Variants in DCD observed in about 807,000 individuals in gnomAD.
DCD encodes the protein diffusible survival/evasion peptide.
In DCD, 17 loss-of-function variants were observed where a neutral mutation model predicts 14.5. That is an observed-to-expected ratio of 1.18 (90% confidence interval 0.81 to 1.76). The LOEUF is 1.76. Among genes scored for constraint, DCD ranks in the 40% most tolerant of loss-of-function variants. The pLI, the probability that DCD is intolerant of heterozygous loss-of-function variation, is 0.00. For synonymous variants in DCD, 64 were observed against 54.0 expected (o/e 1.19, Z -0.82); for missense variants, 139 against 133.4 (o/e 1.04, Z -0.21).
Position 54,648,290 on chromosome 12 carries a change from G to C in DCD, c.14C>G (p.Thr5Ser). Residue 5 changes from threonine to serine, a missense_variant, in exon 1 of 5, where the codon ACT becomes AGT. Transcript: ENST00000293371. ...TGCCAGAGCTGTCAGGAAGAGGAGA[G>C]TCATGAACCTCATGCTTCTGTGTGC... MRFM[T>S]LLFLTALAGA... 6.2e-7 allele frequency: 1 copy of C among 1,613,986 alleles called. No homozygotes were observed. The highest frequency in any genetic ancestry group is 8.5e-7 in the Non-Finnish European group (1 of 1,179,960).
In DCD at chr12:54,645,600, G is replaced by A. The variant is rs1278144843; in HGVS notation, c.199+6C>T. ...TTCTATACCAGGCATTGGGAAAGAG[G>A]CTTACCCAGAAGGCTGGATCTCTGC... On this transcript the variant is annotated splice_donor_region_variant and intron_variant, in intron 3 of 4. Coordinates refer to ENST00000293371, the MANE Select transcript of DCD (RefSeq NM_053283.4). The A allele has an allele frequency of 1.2e-6, 2 of 1,612,162 alleles. No homozygotes were observed. Among genetic ancestry groups the A allele is most frequent in the East Asian group, 2.2e-5 (1 of 44,852 alleles).
intron 4 of DCD, 138 bp downstream of exon 4, chr12:54,645,035 A>T: frequency 6.7e-7 from 1 of 1,491,642 alleles, no homozygotes; most frequent in Non-Finnish European, 9.2e-7. Context: ...TGGCAATTTA[A>T]ATCTGGATGA....
Position 54,644,676 on chromosome 12 carries a change from C to G in DCD, c.*37G>C. The G allele has an allele frequency of 8.3e-7, 1 of 1,210,870 alleles. No homozygotes were observed. Among genetic ancestry groups the G allele is most frequent in the Non-Finnish European group, 1.2e-6 (1 of 831,816 alleles). 75.0% of individuals were successfully genotyped at this position (1,210,870 alleles called of 1,614,324 possible). A position where few individuals can be genotyped will look rare whatever the true frequency, so the allele number is the denominator to read the frequency against. On this transcript the variant is annotated 3_prime_UTR_variant, in exon 5 of 5. Transcript: ENST00000293371. ...TTTTAGGCTGAAGACGTAAAGCCTGCTGCTCCTGGGTATCATTTCTCAGCT... is the reference window on the plus strand; with the variant it reads ...TTTTAGGCTGAAGACGTAAAGCCTGGTGCTCCTGGGTATCATTTCTCAGCT...
intron 2 of DCD, 92 bp downstream of exon 2, chr12:54,647,029 C>G: frequency 2.2e-6 from 3 of 1,356,848 alleles, no homozygotes; most frequent in Non-Finnish European, 3.0e-6. Context: ...TTCCCCGGAC[C>G]CCCCTTCTGC....
In DCD at chr12:54,644,975, T is replaced by C. The variant is rs1355833275; in HGVS notation, c.289+198A>G. The C allele has an allele frequency of 6.9e-6, 9 of 1,312,194 alleles. No homozygotes were observed. The East Asian group carries it at 1.7e-4, about 25-fold the overall frequency. 81.3% of individuals were successfully genotyped at this position (1,312,194 alleles called of 1,614,324 possible). ...TGGCAGGGGCAGGGGGCAAGAGCAA[T>C]AAAAAAAAAAGCAAGTTAGACCCCA... On this transcript the variant is annotated intron_variant, in intron 4 of 4. Transcript: ENST00000293371.
At chr12:54,644,941 T>A (rs567531486) in intron 4 of DCD, 185 bp from the exon 5 acceptor site, 1 of 1,548,800 alleles carries the variant, frequency 6.5e-7, no homozygotes, top group African/African-American at 1.4e-5. Flanking sequence ...CAACCTCTCT[T>A]CCCCACCTTG....
chr12:54,645,800 G>T, intron 2 of DCD, 93 bp from the exon 3 acceptor site: 1 of 997,950 alleles, frequency 1.0e-6, no homozygotes, highest in Non-Finnish European at 1.6e-6. Context: ...CTCAAGGTCT[G>T]GCTTGAGGAT....
At chr12:54,644,869 C>A (rs752369587) in intron 4 of DCD, 113 bp from the exon 5 acceptor site, 2 of 1,545,740 alleles carry the variant, frequency 1.3e-6, no homozygotes, top group South Asian at 1.2e-5. Flanking sequence ...GGAAGGGAGG[C>A]CTGGAGGTGC....
intron 4 of DCD, 96 bp from the exon 5 acceptor site, chr12:54,644,852 G>A: frequency 6.4e-7 from 1 of 1,551,654 alleles, no homozygotes; most frequent in Non-Finnish European, 8.7e-7. Flanking sequence ...GTAGGGGAAG[G>A]GGAAGGGGAA....
chr12:54,645,382 G>T (rs1040887600), intron 3 of DCD, 120 bp from the exon 4 acceptor site: 14 of 1,043,192 alleles, frequency 1.3e-5, no homozygotes, highest in Non-Finnish European at 1.9e-5. Flanking sequence ...TTTGCTGAAG[G>T]AACCAACTTC....
rs755405602 is a variant in DCD, at chr12:54,648,300, T to A, written c.4A>T (p.Arg2Trp). Residue 2 changes from arginine to tryptophan, a missense_variant, in exon 1 of 5, where the codon AGG (arginine) becomes TGG (tryptophan). Coordinates refer to ENST00000293371, the MANE Select transcript of DCD (RefSeq NM_053283.4). ...GTCAGGAAGAGGAGAGTCATGAACCTCATGCTTCTGTGTGCTGGAGTGGGT... is the reference window on the plus strand; with the variant it reads ...GTCAGGAAGAGGAGAGTCATGAACCACATGCTTCTGTGTGCTGGAGTGGGT... M[R>W]FMTLLFLTAL... 15 of 1,613,914 alleles carry A rather than the reference T, an allele frequency of 9.3e-6. No homozygotes were observed. Among genetic ancestry groups the A allele is most frequent in the Non-Finnish European group, 1.3e-5 (15 of 1,179,938 alleles).
intron 3 of DCD, 118 bp from the exon 4 acceptor site, chr12:54,645,380 A>G: frequency 9.5e-7 from 1 of 1,054,470 alleles, no homozygotes; most frequent in Non-Finnish European, 1.4e-6. Context: ...GTTTTGCTGA[A>G]GGAACCAACT....
intron 1 of DCD, among the ~76,000 whole-genome samples, 164 bp from the exon 2 acceptor site, chr12:54,647,323 TG>T (rs1457206016): frequency 2.6e-5 from 4 of 152,244 alleles, no homozygotes. Flanking sequence ...AAATGCTTTT[TG>T]GTATCTCAAC....
At chr12:54,646,173 A>T (rs1958259491) in intron 2 of DCD, 1 of 455,888 alleles carries the variant, frequency 2.2e-6, no homozygotes, top group South Asian at 1.5e-5. Context: ...AACTTCTGTT[A>T]TTGCATTGGT....
chr12:54,646,818 A>T (rs1958264918), intron 2 of DCD, among the ~76,000 whole-genome samples: 1 of 152,180 alleles, frequency 6.6e-6, no homozygotes, highest in Admixed American at 6.5e-5. Flanking sequence ...GGTGGGGCAG[A>T]TGAAAACCTC....
intron 2 of DCD, chr12:54,646,022 GC>G: frequency 2.2e-6 from 1 of 458,020 alleles, no homozygotes; most frequent in Non-Finnish European, 4.3e-6. Flanking sequence ...CCTTATACCA[GC>G]CCCCTAGTGT....
In DCD at chr12:54,644,639, T is replaced by C; in HGVS notation, c.*74A>G. On this transcript the variant is annotated 3_prime_UTR_variant, in exon 5 of 5. Coordinates refer to ENST00000293371, the MANE Select transcript of DCD (RefSeq NM_053283.4). ...GCTGTTTTAAATTTTTTTTTTTTTTTTTTTTTTTAGGTTTTAGGCTGAAGA... is the reference window on the plus strand; with the variant it reads ...GCTGTTTTAAATTTTTTTTTTTTTTCTTTTTTTTAGGTTTTAGGCTGAAGA... 1 of 1,056,012 alleles carries C rather than the reference T, an allele frequency of 9.5e-7. No homozygotes were observed. 65.4% of individuals were successfully genotyped at this position (1,056,012 alleles called of 1,614,324 possible).
At chr12:54,647,215 T>A (rs1045839412) in intron 1 of DCD, 56 bp from the exon 2 acceptor site, 1 of 1,527,052 alleles carries the variant, frequency 6.5e-7, no homozygotes, top group African/African-American at 1.4e-5. Flanking sequence ...ATGAGCTGTA[T>A]CCAGCCAGGG....
chr12:54,645,210 T>C lies in DCD; in HGVS notation c.252A>G (p.Gly84=). 6.2e-7 allele frequency: 1 copy of C among 1,614,134 alleles called. No individual in the cohort carries two copies. The highest frequency in any genetic ancestry group is 8.5e-7 in the Non-Finnish European group (1 of 1,180,028). The stretch of plus-strand genomic sequence containing the variant: ...TTTCTAGATCTTCGACTGCATCTTT[T>C]CCTAGTTTTCCGAGTCCCCCCACAG... ...KKAVGGLGKL[G]KDAVEDLESV... Residue 84 remains glycine, a synonymous_variant, in exon 4 of 5, where the codon GGA becomes GGG. Coordinates refer to ENST00000293371, the MANE Select transcript of DCD (RefSeq NM_053283.4).
Sources: gnomAD v4.1 joint callset for allele counts (sites outside exome capture counted in the v4.1 genomes callset) on GRCh38, gnomAD v4.1.1 for gene constraint, MANE v1.5 for transcripts, NCBI Gene and HGNC (gene_info 2026-07-23, HGNC 2026-07-21) for gene names.